The following SCRG1 variants were observed in gnomAD, a reference collection of about 807,000 sequenced individuals.
SCRG1 encodes the protein stimulator of chondrogenesis 1, also known as scrapie-responsive protein 1.
SCRG1 carries 3 observed loss-of-function variants against 7.7 expected under a neutral mutation model. The ratio of observed to expected loss-of-function variants is 0.39; its 90% CI spans 0.18 to 1.01. The LOEUF is 1.01. SCRG1 is among the 50% of genes least tolerant of loss of function. The pLI is 0.36. For missense variants in SCRG1, 110 were observed against 117.2 expected, an observed-to-expected ratio of 0.94 and a Z score of 0.28; for synonymous variants, 46 against 41.2, an observed-to-expected ratio of 1.12 and a Z score of -0.44.
At chr4:173,500,055 C>T in the SCRG1 span, among the ~76,000 whole-genome samples, 1 of 152,208 alleles carries the variant, frequency 6.6e-6, no homozygotes, top group Non-Finnish European at 1.5e-5. Flanking sequence ...TGCCTGCCAC[C>T]GGTTAGCTCC....
At chr4:173,396,916 G>A (rs1387425749) in intron 1 of SCRG1, among the ~76,000 whole-genome samples, 2 of 151,906 alleles carry the variant, frequency 1.3e-5, no homozygotes, top group African/African-American at 4.8e-5. Context: ...AGCTGAGAGT[G>A]GTGTCATGTG....
At chr4:173,465,600 G>A in the SCRG1 span, among the ~76,000 whole-genome samples, 1 of 149,352 alleles carries the variant, frequency 6.7e-6, no homozygotes, top group African/African-American at 2.4e-5. Context: ...CCTAGGTGAG[G>A]GGATTTTTTT....
the SCRG1 span, among the ~76,000 whole-genome samples, chr4:173,513,171 C>T: frequency 4.6e-5 from 7 of 152,192 alleles, no homozygotes; most frequent in Non-Finnish European, 1.0e-4. Flanking sequence ...TGAGAAGCCA[C>T]ATTCCCACAA....
the SCRG1 span, among the ~76,000 whole-genome samples, chr4:173,507,774 C>A: frequency 6.6e-6 from 1 of 152,178 alleles, no homozygotes; most frequent in Non-Finnish European, 1.5e-5. The surrounding 1 kb of genome is among the most constrained non-coding windows in gnomAD (Gnocchi z 4.4). Flanking sequence ...GGAGCAGTTG[C>A]GGGAGGGCTG....
the SCRG1 span, among the ~76,000 whole-genome samples, chr4:173,426,007 C>G: frequency 6.6e-6 from 1 of 152,196 alleles, no homozygotes; most frequent in African/African-American, 2.4e-5. Flanking sequence ...AGGCCCCAAG[C>G]TAACAGTTCT....
At position 173,385,620 on chromosome 4, in the gene SCRG1, GAAAT is replaced by G. The variant is rs1191579813; in HGVS notation, c.*2717_*2720del. The G allele has an allele frequency of 3.3e-5, 5 of 151,956 alleles. No homozygotes were observed. Among genetic ancestry groups the G allele is most frequent in the Non-Finnish European group, 5.9e-5 (4 of 67,984 alleles). 9.4% of individuals were successfully genotyped at this position (151,956 alleles called of 1,614,324 possible). The stretch of plus-strand genomic sequence containing the variant: ...TTGTATAATGCATTCATTTCTAAAA[GAAAT>G]AACTGAATTTCATATTTTCAGAAAG... On this transcript the variant is annotated 3_prime_UTR_variant, in exon 3 of 3. Coordinates refer to ENST00000296506, the MANE Select transcript of SCRG1 (RefSeq NM_007281.4).
At chr4:173,429,839 A>T in the SCRG1 span, among the ~76,000 whole-genome samples, 1 of 152,240 alleles carries the variant, frequency 6.6e-6, no homozygotes, top group Non-Finnish European at 1.5e-5. Flanking sequence ...AAATGTTCAA[A>T]GTATAACATT....
the SCRG1 span, among the ~76,000 whole-genome samples, chr4:173,510,566 A>G: frequency 6.6e-6 from 1 of 152,148 alleles, no homozygotes; most frequent in Non-Finnish European, 1.5e-5. This position sits in a 1 kb window ranked among gnomAD's most constrained non-coding sequence, Gnocchi z 5.7. Flanking sequence ...ATGGAGATCC[A>G]GAAGCCCCGT....
At chr4:173,512,951 T>TTA in the SCRG1 span, among the ~76,000 whole-genome samples, 1 of 152,230 alleles carries the variant, frequency 6.6e-6, no homozygotes, top group African/African-American at 2.4e-5. Context: ...CACATAGTTA[T>TTA]TATACTGCAA....
At chr4:173,515,898 T>C in the SCRG1 span, among the ~76,000 whole-genome samples, 1 of 152,200 alleles carries the variant, frequency 6.6e-6, no homozygotes, top group African/African-American at 2.4e-5. The surrounding 1 kb of genome is among the most constrained non-coding windows in gnomAD (Gnocchi z 4.6). Context: ...AGTGTATTAG[T>C]TGGGGCCTCA....
the SCRG1 span, among the ~76,000 whole-genome samples, chr4:173,484,514 A>ATG: frequency 4.9e-4 from 37 of 74,894 alleles, no homozygotes; most frequent in Non-Finnish European, 6.7e-4. Flanking sequence ...TATATATTAT[A>ATG]TACATATAAT....
At chr4:173,419,984 T>C in the SCRG1 span, 1 of 702,408 alleles carries the variant, frequency 1.4e-6, no homozygotes, top group Non-Finnish European at 2.6e-6. Context: ...GATATCTCTA[T>C]CATCCTGTAT....
At chr4:173,459,205 TC>T in the SCRG1 span, among the ~76,000 whole-genome samples, 1 of 152,190 alleles carries the variant, frequency 6.6e-6, no homozygotes, top group Non-Finnish European at 1.5e-5. Flanking sequence ...ATCGCACTGA[TC>T]ATCTAGAAAG....
the SCRG1 span, among the ~76,000 whole-genome samples, chr4:173,434,830 C>G: frequency 6.6e-6 from 1 of 152,050 alleles, no homozygotes; most frequent in Non-Finnish European, 1.5e-5. Context: ...GACTCCGTCT[C>G]TAAATAAATA....
the SCRG1 span, among the ~76,000 whole-genome samples, chr4:173,429,503 C>T: frequency 7.0e-4 from 106 of 152,188 alleles, 1 homozygote; most frequent in African/African-American, 2.1e-3. Context: ...TGCTATGTTG[C>T]GCAGCCTGGT....
At chr4:173,482,838 A>C in the SCRG1 span, among the ~76,000 whole-genome samples, 287 of 147,358 alleles carry the variant, frequency 1.9e-3, no homozygotes, top group African/African-American at 6.2e-3. Context: ...ATGCACACAC[A>C]CATACACACA....
At chr4:173,411,271 C>T (rs1390937593), upstream of SCRG1, among the ~76,000 whole-genome samples, 2 of 152,220 alleles carry the variant, frequency 1.3e-5, no homozygotes, top group East Asian at 3.8e-4. Context: ...AAAAGCCTAA[C>T]TTAGCAATTT....
chr4:173,447,906 A>G, the SCRG1 span, among the ~76,000 whole-genome samples: 2 of 152,146 alleles, frequency 1.3e-5, no homozygotes, highest in Admixed American at 6.5e-5. Flanking sequence ...GGAGTTAGAG[A>G]CCAGCCTGGA....
At chr4:173,391,474 A>G (rs74519731) in intron 1 of SCRG1, 46 bp from the exon 2 acceptor site, 8 of 1,592,716 alleles carry the variant, frequency 5.0e-6, no homozygotes, top group Non-Finnish European at 6.9e-6. Flanking sequence ...TGTTTTTTAA[A>G]GATAGAATTC....
Sources: gnomAD v4.1 joint callset for allele counts (sites outside exome capture counted in the v4.1 genomes callset) on GRCh38, gnomAD v4.1.1 for gene constraint, Gnocchi (gnomAD v3.1) non-coding constraint, MANE v1.5 for transcripts, NCBI Gene and HGNC (gene_info 2026-07-23, HGNC 2026-07-21) for gene names.